The following STAB2 variants were observed in gnomAD, a reference collection of about 807,000 sequenced individuals.
The protein encoded by STAB2 is stabilin 2.
A neutral mutation model predicts 338.1 loss-of-function variants in STAB2; 288 were observed. That is an observed-to-expected ratio of 0.85 (90% CI 0.77 to 0.94). The LOEUF (loss-of-function observed/expected upper bound fraction) is 0.94. STAB2 is among the 40% of genes least tolerant of loss of function. The probability of loss-of-function intolerance (pLI) is 0.00; values close to 1 mark genes in which losing one functional copy is unlikely to be tolerated. For synonymous variants in STAB2, 1,202 were observed against 1,193.3 expected, an observed-to-expected ratio of 1.01 and a Z score of -0.15; for missense variants, 3,141 against 3,210.1, an observed-to-expected ratio of 0.98 and a Z score of 0.52.
At chr12:103,631,414 T>G (rs1054631496) in intron 5 of STAB2, among the ~76,000 whole-genome samples, 184 bp from the exon 6 acceptor site, 22 of 146,548 alleles carry the variant, frequency 1.5e-4, no homozygotes, top group African/African-American at 5.6e-4. Context: ...TCCCAGGAAG[T>G]AGGCATTCCT....
At chr12:103,684,225 C>A (rs759733566) in intron 26 of STAB2, among the ~76,000 whole-genome samples, 2 of 152,170 alleles carry the variant, frequency 1.3e-5, no homozygotes, top group Non-Finnish European at 2.9e-5. Context: ...TTTATTAGCA[C>A]CCCATGTCCC....
At chr12:103,731,449 TG>T in intron 49 of STAB2, 126 bp from the exon 50 acceptor site, 1 of 849,868 alleles carries the variant, frequency 1.2e-6, no homozygotes, top group Non-Finnish European at 1.8e-6. Context: ...TTGGAGCAGG[TG>T]CTGATGAGCC....
intron 16 of STAB2, 72 bp downstream of exon 16, chr12:103,660,456 A>C: frequency 6.5e-7 from 1 of 1,548,104 alleles, no homozygotes; most frequent in South Asian, 1.1e-5. Context: ...GAATTCCAAT[A>C]TTTTGACGCT....
chr12:103,762,156 G>A, intron 66 of STAB2, 118 bp from the exon 67 acceptor site: 1 of 1,406,754 alleles, frequency 7.1e-7, no homozygotes, highest in Non-Finnish European at 9.7e-7. Flanking sequence ...CCAGATACAT[G>A]TTAACATGTC....
chr12:103,594,126 A>G (rs778146288), intron 2 of STAB2, among the ~76,000 whole-genome samples: 7 of 152,184 alleles, frequency 4.6e-5, no homozygotes, highest in Non-Finnish European at 1.0e-4. Flanking sequence ...AAGCCTTAAT[A>G]TTTATTTCAT....
At chr12:103,748,609 C>T (rs61939561) in intron 58 of STAB2, among the ~76,000 whole-genome samples, 152 of 18,536 alleles carry the variant, frequency 8.2e-3, no homozygotes, top group African/African-American at 0.026. Flanking sequence ...CACACATACA[C>T]ACACACACAC....
intron 25 of STAB2, among the ~76,000 whole-genome samples, chr12:103,679,302 A>G (rs1349916730): frequency 6.6e-6 from 1 of 151,840 alleles, no homozygotes; most frequent in African/African-American, 2.4e-5. Context: ...TGGGAGGTGG[A>G]GGTTGCGGTG....
At chr12:103,658,424 C>CAGATAAG (rs1874355127) in intron 15 of STAB2, among the ~76,000 whole-genome samples, 3 of 152,174 alleles carry the variant, frequency 2.0e-5, no homozygotes, top group Non-Finnish European at 4.4e-5. Context: ...AAGACACAGG[C>CAGATAAG]ACACACAGTA....
At chr12:103,660,652 A>G in intron 16 of STAB2, 31 bp from the exon 17 acceptor site, 15 of 1,612,304 alleles carry the variant, frequency 9.3e-6, no homozygotes, top group Non-Finnish European at 1.3e-5. Flanking sequence ...GGTCCCAAAT[A>G]TCTCTGCCTT....
intron 3 of STAB2, among the ~76,000 whole-genome samples, chr12:103,597,345 C>T (rs1385842311): frequency 3.3e-5 from 5 of 152,174 alleles, no homozygotes; most frequent in Non-Finnish European, 5.9e-5. Flanking sequence ...CCAGAATGGC[C>T]TTGTTTCCAA....
chr12:103,709,215 A>G (rs1034247893), intron 39 of STAB2, among the ~76,000 whole-genome samples: 1 of 152,122 alleles, frequency 6.6e-6, no homozygotes, highest in Non-Finnish European at 1.5e-5. Flanking sequence ...TTTCAGGCAG[A>G]AAGAAGCACC....
At chr12:103,696,866 AACAC>A (rs1290710627) in intron 33 of STAB2, among the ~76,000 whole-genome samples, 1 of 152,070 alleles carries the variant, frequency 6.6e-6, no homozygotes, top group African/African-American at 2.4e-5. Context: ...GTATGCATAA[AACAC>A]ACAGCAGCTC....
At chr12:103,660,828 A>C (rs182790175) in intron 17 of STAB2, 65 bp downstream of exon 17, 2 of 1,527,518 alleles carry the variant, frequency 1.3e-6, no homozygotes, top group Non-Finnish European at 1.8e-6. Flanking sequence ...ATGATTATTC[A>C]TCAGGTTATC....
chr12:103,680,771 G>T, intron 25 of STAB2, among the ~76,000 whole-genome samples: 1 of 152,378 alleles, frequency 6.6e-6, no homozygotes, highest in East Asian at 1.9e-4. Flanking sequence ...GACTAGGAGA[G>T]GGGGAGTGAT....
intron 43 of STAB2, among the ~76,000 whole-genome samples, chr12:103,716,341 G>A (rs1593276012): frequency 6.6e-6 from 1 of 152,202 alleles, no homozygotes; most frequent in Admixed American, 6.5e-5. Context: ...GCAGGCTGGG[G>A]GAGGTGGGGA....
chr12:103,640,477 G>T (rs753606675), intron 9 of STAB2, among the ~76,000 whole-genome samples: 14 of 152,088 alleles, frequency 9.2e-5, no homozygotes, highest in Admixed American at 3.3e-4. Flanking sequence ...GAATACTCTG[G>T]AATATTGTTG....
rs554337321 is a variant in STAB2, at chr12:103,763,937, A to G, written c.7605+329A>G. 72 of 198,772 alleles carry G rather than the reference A, an allele frequency of 3.6e-4. 1 individual carries two copies. The East Asian group carries it at 8.0e-3, about 22-fold the overall frequency. The allele number at this position is 198,772 out of a possible 1,614,324, so 12.3% of individuals were successfully genotyped here. Reference sequence around the variant, plus strand: ...CTGAATTCTGCTGCAATCATTTATGAGGTAGCAGGTGCAAAACAAGATGGA... The same window carrying G: ...CTGAATTCTGCTGCAATCATTTATGGGGTAGCAGGTGCAAAACAAGATGGA... On this transcript the variant is annotated intron_variant, in intron 68 of 68. Transcript: ENST00000388887.
intron 8 of STAB2, among the ~76,000 whole-genome samples, chr12:103,639,669 A>C (rs1220493345): frequency 1.4e-5 from 2 of 138,302 alleles, no homozygotes; most frequent in Non-Finnish European, 3.0e-5. Context: ...GCATCACTAC[A>C]CTCTAGCCTG....
intron 58 of STAB2, 76 bp from the exon 59 acceptor site, chr12:103,748,887 G>C: frequency 6.7e-7 from 1 of 1,486,240 alleles, no homozygotes; most frequent in Non-Finnish European, 9.1e-7. Context: ...TAGTGCTGTG[G>C]TGCCCCATAC....
Sources: allele counts gnomAD v4.1 joint callset (sites outside exome capture counted in the v4.1 genomes callset), GRCh38; gene constraint gnomAD v4.1.1; transcripts MANE v1.5; gene names NCBI Gene and HGNC (gene_info 2026-07-23, HGNC 2026-07-21).